The following JARID2 variants were observed in gnomAD, a reference collection of about 807,000 sequenced individuals.
JARID2 encodes jumonji and AT-rich interaction domain containing 2, also known as protein Jumonji.
A neutral mutation model predicts 125.6 loss-of-function variants in JARID2; 21 were observed. That is an observed-to-expected ratio of 0.17 (90% CI 0.12 to 0.24). The LOEUF (loss-of-function observed/expected upper bound fraction) is 0.24. Ranked by LOEUF, JARID2 falls within the 10% of genes least tolerant of loss-of-function variation. JARID2 has a pLI of 1.00. For synonymous variants in JARID2, 736 were observed against 661.6 expected (o/e 1.11, Z -1.73); for missense variants, 1,303 against 1,639.6 (o/e 0.79, Z 3.55).
intron 3 of JARID2, among the ~76,000 whole-genome samples, chr6:15,418,055 C>T (rs933628756): frequency 2.0e-5 from 3 of 152,086 alleles, no homozygotes; most frequent in Non-Finnish European, 4.4e-5. Flanking sequence ...TTTCCTCTGC[C>T]GAGCTTGGTG....
chr6:15,393,888 G>A (rs1255089715), intron 2 of JARID2, among the ~76,000 whole-genome samples: 1 of 152,072 alleles, frequency 6.6e-6, no homozygotes, highest in Non-Finnish European at 1.5e-5. Flanking sequence ...TTTAGTTACA[G>A]AAACAAAATC....
chr6:15,364,400 A>G (rs1561815404), intron 1 of JARID2, among the ~76,000 whole-genome samples: 1 of 152,124 alleles, frequency 6.6e-6, no homozygotes, highest in Non-Finnish European at 1.5e-5. Flanking sequence ...TTTTGTAGTG[A>G]TTTCCTTAGA....
rs35500004 is a variant in JARID2 at position 15,278,889 on chromosome 6, C to A, written c.45+32305C>A. On this transcript the variant is annotated intron_variant, in intron 1 of 17. Transcript: ENST00000341776. ...TTCGAGATTAGCCTGGCCAACAAGGCGAAACCCTGTCTCTACTAAAAATAC... is the reference window on the plus strand; with the variant it reads ...TTCGAGATTAGCCTGGCCAACAAGGAGAAACCCTGTCTCTACTAAAAATAC... Among the ~76,000 whole-genome samples the A allele has an allele frequency of 4.1e-4, 62 of 152,096 alleles. No homozygotes were observed. In the East Asian group the frequency reaches 0.012, roughly 29 times the overall value.
In JARID2 at chr6:15,283,564, G is replaced by C. The variant is rs370322865; in HGVS notation, c.45+36980G>C. ...TCACCGTGTTAGCCAGGACGGTCTC[G>C]ATCTGCCGACCTTGTGCTCCGCCCG... is the stretch of plus-strand genomic sequence containing the variant. On this transcript the variant is annotated intron_variant, in intron 1 of 17. Coordinates refer to ENST00000341776, the MANE Select transcript of JARID2 (RefSeq NM_004973.4). 7.8e-4 allele frequency among the ~76,000 whole-genome samples: 117 copies of C among 150,098 alleles called. 2 individuals are homozygous for C. The highest frequency in any genetic ancestry group is 1.4e-3 in the Admixed American group (21 of 15,016).
At chr6:15,288,886 A>G (rs548852802) in intron 1 of JARID2, among the ~76,000 whole-genome samples, 10 of 152,338 alleles carry the variant, frequency 6.6e-5, no homozygotes, top group East Asian at 1.9e-4. Context: ...AGAAGGGTCT[A>G]CCCTTAAAGC....
intron 5 of JARID2, among the ~76,000 whole-genome samples, chr6:15,481,462 A>T (rs542939322): frequency 6.6e-6 from 1 of 151,970 alleles, no homozygotes; most frequent in Non-Finnish European, 1.5e-5. Context: ...GAGAGTGAAT[A>T]TTTTTTTTCC....
At chr6:15,510,772 T>C (rs1186910923) in intron 12 of JARID2, among the ~76,000 whole-genome samples, 2 of 152,210 alleles carry the variant, frequency 1.3e-5, no homozygotes, top group Admixed American at 6.5e-5. Flanking sequence ...CACATGTGCA[T>C]GAGCCTGGCT....
At chr6:15,483,663 C>T (rs4715980) in intron 5 of JARID2, among the ~76,000 whole-genome samples, 32,891 of 152,016 alleles carry the variant, frequency 0.22, 3,973 homozygotes, top group Middle Eastern at 0.36. Context: ...GTTGGATCTT[C>T]GGTGATTTCC....
intron 2 of JARID2, among the ~76,000 whole-genome samples, chr6:15,382,904 A>C (rs575657695): frequency 2.0e-5 from 3 of 152,174 alleles, no homozygotes; most frequent in Admixed American, 6.5e-5. Flanking sequence ...TGTTTCCCTG[A>C]TTACATCATC....
chr6:15,395,567 A>G (rs1201557745), intron 2 of JARID2, among the ~76,000 whole-genome samples: 1 of 149,594 alleles, frequency 6.7e-6, no homozygotes, highest in East Asian at 2.0e-4. Flanking sequence ...GCTTGGCCTA[A>G]TTTTGTGTTT....
At chr6:15,347,625 CTT>C (rs899524186) in intron 1 of JARID2, among the ~76,000 whole-genome samples, 3 of 152,160 alleles carry the variant, frequency 2.0e-5, no homozygotes, top group Non-Finnish European at 4.4e-5. Context: ...ACACCAATGA[CTT>C]TTTAAAAAGT....
chr6:15,403,404 G>C (rs1274692875), intron 2 of JARID2, among the ~76,000 whole-genome samples: 1 of 152,096 alleles, frequency 6.6e-6, no homozygotes, highest in African/African-American at 2.4e-5. Context: ...TTACTCATTT[G>C]GGGTCTAGAG....
Position 15,382,814 on chromosome 6 carries a change from C to T in JARID2, c.181+8562C>T, listed in dbSNP as rs191803683. Among the ~76,000 whole-genome samples, 211 of 152,334 alleles carry T rather than the reference C, an allele frequency of 1.4e-3. 3 individuals carry two copies. The highest frequency in any genetic ancestry group is 2.2e-3 in the Admixed American group (34 of 15,310). ...TGAGGAGGTTAATGTGCTCCTCTTTCGGGTCACTTTGTGCTTGACACCCAC... is the reference window on the plus strand; with the variant it reads ...TGAGGAGGTTAATGTGCTCCTCTTTTGGGTCACTTTGTGCTTGACACCCAC... On this transcript the variant is annotated intron_variant, in intron 2 of 17. Transcript: ENST00000341776.
chr6:15,332,304 AC>A (rs1762735827), intron 1 of JARID2, among the ~76,000 whole-genome samples: 1 of 152,258 alleles, frequency 6.6e-6, no homozygotes. Flanking sequence ...CTGAATATTA[AC>A]TGGGGCTCAA....
chr6:15,289,118 A>G (rs1021035695), intron 1 of JARID2, among the ~76,000 whole-genome samples: 1 of 152,172 alleles, frequency 6.6e-6, no homozygotes, highest in African/African-American at 2.4e-5. Context: ...ACGAGGTGGC[A>G]CTTGAGCTGG....
intron 2 of JARID2, chr6:15,400,824 G>A (rs779233745): frequency 1.5e-5 from 19 of 1,266,376 alleles, no homozygotes; most frequent in Non-Finnish European, 5.1e-6. Context: ...CTGCACTGCC[G>A]CTTGCTTATT....
At chr6:15,489,915 C>T (rs1256339792) in intron 6 of JARID2, among the ~76,000 whole-genome samples, 1 of 152,224 alleles carries the variant, frequency 6.6e-6, no homozygotes, top group Non-Finnish European at 1.5e-5. Flanking sequence ...TCTAACCAGC[C>T]CAGATGGGTT....
intron 1 of JARID2, among the ~76,000 whole-genome samples, chr6:15,293,579 C>A (rs1292991956): frequency 6.6e-6 from 1 of 152,144 alleles, no homozygotes; most frequent in Non-Finnish European, 1.5e-5. Context: ...GAAGGTTGTT[C>A]CTAGCCAGGG....
At chr6:15,513,099 G>T (rs1278096110) in intron 15 of JARID2, 54 bp downstream of exon 15, 3 of 1,610,434 alleles carry the variant, frequency 1.9e-6, no homozygotes, top group Admixed American at 3.4e-5. Flanking sequence ...GCCCTTCGGG[G>T]GCTCACCCCC....
Sources: gnomAD v4.1 joint callset for allele counts (sites outside exome capture counted in the v4.1 genomes callset) on GRCh38, gnomAD v4.1.1 for gene constraint, MANE v1.5 for transcripts, NCBI Gene and HGNC (gene_info 2026-07-23, HGNC 2026-07-21) for gene names.